MARCHF1: variants seen among roughly 807,000 people sequenced by gnomAD.
The protein encoded by MARCHF1 is E3 ubiquitin-protein ligase MARCHF1.
MARCHF1 carries 40 observed loss-of-function variants against 54.2 expected under a neutral mutation model. That is an observed-to-expected ratio of 0.74 (90% CI 0.57 to 0.96). The LOEUF is 0.96. Among genes scored for constraint, MARCHF1 ranks in the 40% least tolerant of loss-of-function variants. The pLI is 0.00. For synonymous variants in MARCHF1, 236 were observed against 236.3 expected, an observed-to-expected ratio of 1.00 and a Z score of 0.01; for missense variants, 586 against 656.5, an observed-to-expected ratio of 0.89 and a Z score of 1.17.
At chr4:163,617,830 C>T (rs530810441) in intron 5 of MARCHF1, among the ~76,000 whole-genome samples, 6 of 152,196 alleles carry the variant, frequency 3.9e-5, no homozygotes, top group East Asian at 1.9e-4. Context: ...ATGTGAACCA[C>T]GTGATGATGA....
intron 2 of MARCHF1, among the ~76,000 whole-genome samples, chr4:164,077,053 A>G (rs187563506): frequency 2.3e-4 from 35 of 152,298 alleles, no homozygotes; most frequent in Middle Eastern, 3.4e-3. Context: ...TGGAACCAAA[A>G]AAGAGCCTGT....
chr4:163,906,731 A>C, intron 3 of MARCHF1, among the ~76,000 whole-genome samples: 1 of 151,616 alleles, frequency 6.6e-6, no homozygotes, highest in East Asian at 1.9e-4. Context: ...ATAAAAAAAA[A>C]GAAAAAACTG....
At chr4:164,046,638 G>C (rs1382925602) in intron 2 of MARCHF1, among the ~76,000 whole-genome samples, 1 of 152,060 alleles carries the variant, frequency 6.6e-6, no homozygotes, top group Non-Finnish European at 1.5e-5. Context: ...TTTAATCTAA[G>C]ATAAGAAATA....
At chr4:164,266,155 T>C (rs1445804351) in intron 1 of MARCHF1, among the ~76,000 whole-genome samples, 2 of 152,196 alleles carry the variant, frequency 1.3e-5, no homozygotes, top group Non-Finnish European at 2.9e-5. Flanking sequence ...AAATGGATCA[T>C]GAACACTATC....
chr4:163,983,246 A>T (rs1411662263), intron 3 of MARCHF1, among the ~76,000 whole-genome samples: 1 of 152,168 alleles, frequency 6.6e-6, no homozygotes, highest in Non-Finnish European at 1.5e-5. Flanking sequence ...TCAAAATGAG[A>T]TCTAGTTAAA....
chr4:163,579,455 C>T (rs1372995853), intron 8 of MARCHF1, among the ~76,000 whole-genome samples: 2 of 152,000 alleles, frequency 1.3e-5, no homozygotes, highest in African/African-American at 4.8e-5. Context: ...ATAGCAAACA[C>T]CTAAGTAGCA....
chr4:163,663,803 A>C (rs1743433505), intron 5 of MARCHF1, among the ~76,000 whole-genome samples: 1 of 152,106 alleles, frequency 6.6e-6, no homozygotes. Context: ...AGAAGTGAGA[A>C]TCAAGTATAT....
At chr4:163,721,170 A>G (rs899686299) in intron 4 of MARCHF1, among the ~76,000 whole-genome samples, 2 of 152,246 alleles carry the variant, frequency 1.3e-5, no homozygotes, top group African/African-American at 4.8e-5. Context: ...CGTGTTTGTC[A>G]TAAATATCTC....
intron 3 of MARCHF1, among the ~76,000 whole-genome samples, chr4:163,942,615 TTTA>T (rs1222681753): frequency 6.6e-6 from 1 of 152,154 alleles, no homozygotes; most frequent in Non-Finnish European, 1.5e-5. Context: ...GCCAAGTAAT[TTTA>T]CAGTGATGGT....
At chr4:163,570,880 C>CTGTT (rs1458465819) in intron 8 of MARCHF1, among the ~76,000 whole-genome samples, 2 of 152,046 alleles carry the variant, frequency 1.3e-5, no homozygotes, top group Admixed American at 6.6e-5. Context: ...TCCCTCAGTA[C>CTGTT]TGTTATCTGC....
chr4:164,267,574 G>A (rs1274228427), intron 1 of MARCHF1, among the ~76,000 whole-genome samples: 3 of 152,096 alleles, frequency 2.0e-5, no homozygotes, highest in Non-Finnish European at 4.4e-5. Flanking sequence ...TAAGAACCAT[G>A]TGAGTGAGCT....
intron 1 of MARCHF1, among the ~76,000 whole-genome samples, chr4:164,303,160 C>T (rs1163844087): frequency 6.6e-6 from 1 of 152,052 alleles, no homozygotes; most frequent in Non-Finnish European, 1.5e-5. Flanking sequence ...ATAAGTCATG[C>T]CAATATGTGA....
intron 3 of MARCHF1, among the ~76,000 whole-genome samples, chr4:163,912,862 C>T (rs1157663615): frequency 1.3e-5 from 2 of 152,134 alleles, no homozygotes; most frequent in African/African-American, 2.4e-5. Flanking sequence ...AATAATTTCA[C>T]ATGAAATAAA....
chr4:164,007,644 CTCTGTGTGTGTGTG>C lies in MARCHF1; in HGVS notation c.-247-18949_-247-18936del, dbSNP rs1451022160. ...GTAGAATTTATTTCTCTCTCTCTCT[CTCTGTGTGTGTGTG>C]TGTGTGTGTGTGTGTGTGTGTGTGT... On this transcript the variant is annotated intron_variant, in intron 2 of 9. Coordinates refer to ENST00000514618, the MANE Select transcript of MARCHF1 (RefSeq NM_001394959.1). Among the ~76,000 whole-genome samples, 437 of 101,666 alleles carry C rather than the reference CTCTGTGTGTGTGTG, an allele frequency of 4.3e-3. 3 individuals are homozygous for C. Among genetic ancestry groups the C allele is most frequent in the African/African-American group, 0.016 (406 of 25,612 alleles). The allele number at this position is 101,666 out of a possible 152,430, so 66.7% of individuals were successfully genotyped here.
chr4:163,999,675 A>G (rs1376388125), intron 2 of MARCHF1, among the ~76,000 whole-genome samples: 3 of 151,644 alleles, frequency 2.0e-5, no homozygotes, highest in Non-Finnish European at 4.4e-5. Context: ...ATTGAAGAAA[A>G]TAATAATGGC....
At chr4:163,812,316 T>C (rs1748412479) in intron 4 of MARCHF1, among the ~76,000 whole-genome samples, 1 of 151,424 alleles carries the variant, frequency 6.6e-6, no homozygotes, top group Admixed American at 6.6e-5. Flanking sequence ...TTCCTATATA[T>C]ACATGTATAC....
At chr4:163,675,151 G>A (rs572542778) in intron 5 of MARCHF1, among the ~76,000 whole-genome samples, 13 of 152,254 alleles carry the variant, frequency 8.5e-5, no homozygotes, top group African/African-American at 3.1e-4. Flanking sequence ...TGCATTCTGA[G>A]GGAAATTGCA....
chr4:164,223,537 T>C (rs1732170430), intron 1 of MARCHF1, among the ~76,000 whole-genome samples: 1 of 151,992 alleles, frequency 6.6e-6, no homozygotes, highest in African/African-American at 2.4e-5. Context: ...GTGTTCTAAA[T>C]CCAGTGTTTT....
chr4:164,257,100 C>T (rs1733309274), intron 1 of MARCHF1, among the ~76,000 whole-genome samples: 1 of 152,004 alleles, frequency 6.6e-6, no homozygotes, highest in African/African-American at 2.4e-5. Context: ...TATAAATAAA[C>T]TGTTCATCAC....
Sources: allele counts gnomAD v4.1 joint callset (sites outside exome capture counted in the v4.1 genomes callset), GRCh38; gene constraint gnomAD v4.1.1; transcripts MANE v1.5; gene names NCBI Gene and HGNC (gene_info 2026-07-23, HGNC 2026-07-21).